The following CDK14 variants were observed in gnomAD, a reference collection of about 807,000 sequenced individuals.
CDK14 encodes cyclin-dependent kinase 14.
A neutral mutation model predicts 60.7 loss-of-function variants in CDK14; 34 were observed. That is an observed-to-expected ratio of 0.56 (90% confidence interval 0.43 to 0.75). CDK14 has a LOEUF of 0.75. Among genes scored for constraint, CDK14 ranks in the 30% least tolerant of loss-of-function variants. CDK14 has a pLI of 0.00. For missense variants in CDK14, 482 were observed against 564.1 expected (o/e 0.85, Z 1.47); for synonymous variants, 197 against 203.7 (o/e 0.97, Z 0.28).
chr7:90,701,365 A>G (rs1167851759), intron 2 of CDK14, among the ~76,000 whole-genome samples: 1 of 152,232 alleles, frequency 6.6e-6, no homozygotes, highest in Non-Finnish European at 1.5e-5. Context: ...GCAAGTTCAG[A>G]TAACTGATTA....
At chr7:91,106,545 A>G (rs1338207017) in intron 12 of CDK14, among the ~76,000 whole-genome samples, 1 of 152,180 alleles carries the variant, frequency 6.6e-6, no homozygotes, top group Non-Finnish European at 1.5e-5. Flanking sequence ...AATAATGTCT[A>G]ATATGTGTCC....
intron 5 of CDK14, among the ~76,000 whole-genome samples, chr7:90,798,605 C>A (rs936134686): frequency 1.3e-5 from 2 of 152,188 alleles, no homozygotes; most frequent in African/African-American, 4.8e-5. Flanking sequence ...AAGCACCATG[C>A]ACAGTAAAGT....
intron 8 of CDK14, among the ~76,000 whole-genome samples, chr7:90,949,413 G>C (rs186298433): frequency 6.6e-6 from 1 of 152,136 alleles, no homozygotes; most frequent in Admixed American, 6.6e-5. Flanking sequence ...TGTTGGCCAG[G>C]CTGGTCTTGA....
intron 2 of CDK14, chr7:90,709,834 G>T (rs761792885): frequency 1.6e-4 from 231 of 1,400,796 alleles, no homozygotes; most frequent in Non-Finnish European, 2.1e-4. Context: ...TACCATTTCA[G>T]CTTGCTAGTG....
At chr7:91,124,831 C>T (rs756184505) in intron 14 of CDK14, among the ~76,000 whole-genome samples, 1 of 152,132 alleles carries the variant, frequency 6.6e-6, no homozygotes, top group Non-Finnish European at 1.5e-5. Flanking sequence ...AGGAAGTTAG[C>T]AGTCACATAT....
chr7:90,791,424 T>G (rs1805825536), intron 5 of CDK14, among the ~76,000 whole-genome samples: 1 of 152,178 alleles, frequency 6.6e-6, no homozygotes, highest in Admixed American at 6.5e-5. Flanking sequence ...TCAGTTTATT[T>G]TTGCATTGAA....
intron 11 of CDK14, among the ~76,000 whole-genome samples, chr7:91,078,398 G>A (rs1798384530): frequency 6.6e-6 from 1 of 152,184 alleles, no homozygotes. Flanking sequence ...CCTGAGGTCA[G>A]GAATTCGAGA....
intron 2 of CDK14, among the ~76,000 whole-genome samples, chr7:90,703,081 A>C (rs774552758): frequency 2.3e-4 from 34 of 149,702 alleles, no homozygotes; most frequent in South Asian, 1.7e-3. Flanking sequence ...AATGAGACTT[A>C]GCTTCTTAAG....
chr7:90,724,016 C>T (rs1265985620), intron 2 of CDK14, among the ~76,000 whole-genome samples: 1 of 152,156 alleles, frequency 6.6e-6, no homozygotes, highest in Non-Finnish European at 1.5e-5. Context: ...GAAGTCATTT[C>T]TTCCTTTAAT....
At chr7:90,614,141 G>A (rs1799603214) in intron 2 of CDK14, among the ~76,000 whole-genome samples, 1 of 151,868 alleles carries the variant, frequency 6.6e-6, no homozygotes, top group Non-Finnish European at 1.5e-5. Context: ...CAAGTAGGTG[G>A]GATTACAGGC....
intron 2 of CDK14, among the ~76,000 whole-genome samples, chr7:90,655,688 C>T (rs754064912): frequency 1.3e-5 from 2 of 152,182 alleles, no homozygotes; most frequent in Non-Finnish European, 2.9e-5. Context: ...AAATGCATAT[C>T]TAGAGTATGA....
At chr7:90,651,748 T>A (rs1055901089) in intron 2 of CDK14, among the ~76,000 whole-genome samples, 2 of 152,218 alleles carry the variant, frequency 1.3e-5, no homozygotes, top group Non-Finnish European at 2.9e-5. Flanking sequence ...TAGTGATTTT[T>A]TTTTTCATTT....
intron 5 of CDK14, among the ~76,000 whole-genome samples, chr7:90,834,073 G>A (rs574192591): frequency 6.6e-6 from 1 of 152,258 alleles, no homozygotes; most frequent in African/African-American, 2.4e-5. Context: ...AGCTCTTGAT[G>A]TTTGTCATCA....
At chr7:91,123,086 A>G (rs1011753498) in intron 14 of CDK14, among the ~76,000 whole-genome samples, 1 of 152,206 alleles carries the variant, frequency 6.6e-6, no homozygotes, top group African/African-American at 2.4e-5. Flanking sequence ...GTACAGAGAG[A>G]AACTCCAGTT....
At chr7:91,115,488 A>G (rs942956435) in intron 13 of CDK14, among the ~76,000 whole-genome samples, 3 of 152,106 alleles carry the variant, frequency 2.0e-5, no homozygotes, top group Admixed American at 6.6e-5. Flanking sequence ...ATGCCATCAC[A>G]TTAGGGGTTA....
intron 2 of CDK14, among the ~76,000 whole-genome samples, chr7:90,679,607 T>G (rs1434452649): frequency 6.6e-6 from 1 of 152,192 alleles, no homozygotes; most frequent in Non-Finnish European, 1.5e-5. Context: ...CAAGTAATAG[T>G]ACAGAGAAAT....
Position 91,170,661 on chromosome 7 carries a change from T to A in CDK14, c.*29-36504T>A, listed in dbSNP as rs148384635. Among the ~76,000 whole-genome samples, 4 of 152,194 alleles carry A rather than the reference T, an allele frequency of 2.6e-5. No individual in the cohort carries two copies. In the East Asian group the frequency reaches 7.7e-4, roughly 29 times the overall value. On this transcript the variant is annotated intron_variant, in intron 14 of 14. Coordinates refer to ENST00000380050, the MANE Select transcript of CDK14 (RefSeq NM_001287135.2). ...TTAGCTTGTATTCAATTATTTACAATGAAGAATACCAAATAAAAAGGAAAA... is the reference window on the plus strand; with the variant it reads ...TTAGCTTGTATTCAATTATTTACAAAGAAGAATACCAAATAAAAAGGAAAA...
chr7:91,186,362 T>A (rs965445000), intron 14 of CDK14, among the ~76,000 whole-genome samples: 1 of 148,114 alleles, frequency 6.8e-6, no homozygotes, highest in Non-Finnish European at 1.5e-5. Flanking sequence ...ACATTTTATT[T>A]ATCTATTCTC....
intron 4 of CDK14, among the ~76,000 whole-genome samples, chr7:90,756,055 C>T (rs915234596): frequency 1.3e-5 from 2 of 152,134 alleles, no homozygotes; most frequent in Admixed American, 1.3e-4. Context: ...TAGTTAGTGG[C>T]AAAGTTTGTT....
Sources: allele counts gnomAD v4.1 joint callset (sites outside exome capture counted in the v4.1 genomes callset), GRCh38; gene constraint gnomAD v4.1.1; transcripts MANE v1.5; gene names NCBI Gene and HGNC (gene_info 2026-07-23, HGNC 2026-07-21).